PTPRM: variants seen among roughly 807,000 people sequenced by gnomAD.
PTPRM encodes receptor-type tyrosine-protein phosphatase mu.
A neutral mutation model predicts 186.7 loss-of-function variants in PTPRM; 47 were observed. The observed-to-expected ratio is 0.25, with a 90% CI of 0.20 to 0.32. The LOEUF (loss-of-function observed/expected upper bound fraction) is 0.32, where lower values mean the gene tolerates loss of function less well. Ranked by LOEUF, PTPRM falls within the 10% of genes least tolerant of loss-of-function variation. The pLI is 1.00. For synonymous variants in PTPRM, 668 were observed against 674.9 expected, an observed-to-expected ratio of 0.99 and a Z score of 0.16; for missense variants, 1,494 against 1,865.0, an observed-to-expected ratio of 0.80 and a Z score of 3.66.
chr18:7,634,397 T>C (rs2038264719), intron 1 of PTPRM, among the ~76,000 whole-genome samples: 1 of 152,194 alleles, frequency 6.6e-6, no homozygotes, highest in African/African-American at 2.4e-5. Flanking sequence ...CTTTGGGCCA[T>C]TACTGTTTGT....
intron 7 of PTPRM, among the ~76,000 whole-genome samples, chr18:7,962,470 G>A (rs997536448): frequency 2.0e-5 from 3 of 151,962 alleles, no homozygotes; most frequent in Non-Finnish European, 2.9e-5. Context: ...TGTCATACCC[G>A]GTCCAGTCTA....
At chr18:7,950,131 C>T (rs577996907) in intron 6 of PTPRM, among the ~76,000 whole-genome samples, 6 of 152,294 alleles carry the variant, frequency 3.9e-5, no homozygotes, top group South Asian at 2.1e-4. Flanking sequence ...AAATATGGCA[C>T]ATAAAATTGA....
chr18:7,958,207 C>CAAAAAAAAAAAAAAAAAA (rs534178363), intron 7 of PTPRM, among the ~76,000 whole-genome samples: 4 of 115,278 alleles, frequency 3.5e-5, no homozygotes, highest in African/African-American at 1.3e-4. Context: ...CCATCCCCTG[C>CAAAAAAAAAAAAAAAAAA]AAAAAAAAAA....
At chr18:7,798,034 G>T (rs554033173) in intron 2 of PTPRM, among the ~76,000 whole-genome samples, 1 of 152,268 alleles carries the variant, frequency 6.6e-6, no homozygotes, top group South Asian at 2.1e-4. Context: ...TAATTAATTA[G>T]GTCTTGTGGT....
chr18:7,639,332 A>G (rs2038390933), intron 1 of PTPRM, among the ~76,000 whole-genome samples: 1 of 150,892 alleles, frequency 6.6e-6, no homozygotes. Context: ...GGCCTCCCAA[A>G]GTGCTGGGAT....
At chr18:8,049,836 C>A (rs1451416392) in intron 7 of PTPRM, among the ~76,000 whole-genome samples, 1 of 151,808 alleles carries the variant, frequency 6.6e-6, no homozygotes, top group Non-Finnish European at 1.5e-5. Flanking sequence ...CTCAGCCTCC[C>A]GAGTAGCTGA....
intron 13 of PTPRM, among the ~76,000 whole-genome samples, chr18:8,134,897 A>G (rs2092602682): frequency 6.6e-6 from 1 of 152,182 alleles, no homozygotes; most frequent in Admixed American, 6.5e-5. Context: ...ACAGTCAGAC[A>G]CCCTGGGTTC....
chr18:7,872,354 T>G (rs1228858930), intron 2 of PTPRM, among the ~76,000 whole-genome samples: 4 of 152,206 alleles, frequency 2.6e-5, no homozygotes, highest in Non-Finnish European at 5.9e-5. Context: ...TTACCATTGG[T>G]CTACTATTCC....
At chr18:7,884,817 A>T (rs1359914487) in intron 2 of PTPRM, among the ~76,000 whole-genome samples, 2 of 147,634 alleles carry the variant, frequency 1.4e-5, no homozygotes, top group Non-Finnish European at 3.0e-5. Context: ...CCAGCTACTC[A>T]GGAGGCTGAG....
chr18:7,893,680 A>C lies in PTPRM; in HGVS notation c.468+5303A>C, dbSNP rs535178102. On this transcript the variant is annotated intron_variant, in intron 3 of 32. Transcript: ENST00000580170. ...TCGGCCTTGGAACTTTTAAAGACAGAGTTAAGGTAGCACTTCCTTATTATT... is the reference window on the plus strand; with the variant it reads ...TCGGCCTTGGAACTTTTAAAGACAGCGTTAAGGTAGCACTTCCTTATTATT... Among the ~76,000 whole-genome samples, 11 of 152,334 alleles carry C rather than the reference A, an allele frequency of 7.2e-5. No homozygotes were observed. In the South Asian group the frequency reaches 2.1e-3, roughly 29 times the overall value.
At chr18:8,014,439 A>G (rs1313580367) in intron 7 of PTPRM, among the ~76,000 whole-genome samples, 1 of 152,060 alleles carries the variant, frequency 6.6e-6, no homozygotes, top group African/African-American at 2.4e-5. Context: ...TTCTGTCTCC[A>G]TTTTTTCCCT....
At chr18:7,833,424 T>C (rs2045860494) in intron 2 of PTPRM, among the ~76,000 whole-genome samples, 1 of 152,172 alleles carries the variant, frequency 6.6e-6, no homozygotes, top group African/African-American at 2.4e-5. Flanking sequence ...TATTCACTCT[T>C]GGTGTATAGG....
intron 23 of PTPRM, among the ~76,000 whole-genome samples, chr18:8,367,393 C>T (rs1458233245): frequency 1.3e-5 from 2 of 152,262 alleles, no homozygotes; most frequent in African/African-American, 4.8e-5. Context: ...TCCTCCCTCG[C>T]AATTACCGCC....
intron 1 of PTPRM, among the ~76,000 whole-genome samples, chr18:7,685,372 G>A (rs1194474565): frequency 1.3e-5 from 2 of 152,160 alleles, no homozygotes; most frequent in African/African-American, 4.8e-5. Flanking sequence ...GTATCTTGAT[G>A]CCCCGAAGGG....
At chr18:8,195,791 T>C (rs2093770233) in intron 14 of PTPRM, among the ~76,000 whole-genome samples, 1 of 152,164 alleles carries the variant, frequency 6.6e-6, no homozygotes, top group Admixed American at 6.5e-5. Context: ...GGGTACAGTG[T>C]ACACTGTTCA....
At chr18:8,012,819 A>T (rs945990267) in intron 7 of PTPRM, among the ~76,000 whole-genome samples, 1 of 152,188 alleles carries the variant, frequency 6.6e-6, no homozygotes, top group Non-Finnish European at 1.5e-5. Context: ...AGCAAAAGGG[A>T]TCATAATTCA....
intron 11 of PTPRM, among the ~76,000 whole-genome samples, chr18:8,090,178 A>T (rs2090636862): frequency 6.6e-6 from 1 of 152,162 alleles, no homozygotes; most frequent in Non-Finnish European, 1.5e-5. Context: ...CACGCATTAG[A>T]TGCTATCCAA....
At chr18:8,350,977 G>A (rs1246217644) in intron 23 of PTPRM, among the ~76,000 whole-genome samples, 1 of 152,150 alleles carries the variant, frequency 6.6e-6, no homozygotes, top group African/African-American at 2.4e-5. Flanking sequence ...TATTTTCAGT[G>A]TGGTTATTGT....
At chr18:7,769,108 T>C (rs1311872745) in intron 1 of PTPRM, among the ~76,000 whole-genome samples, 1 of 152,118 alleles carries the variant, frequency 6.6e-6, no homozygotes, top group African/African-American at 2.4e-5. Flanking sequence ...TGTTGAGAAC[T>C]CTGTTCATTA....
Sources: allele counts gnomAD v4.1 joint callset (sites outside exome capture counted in the v4.1 genomes callset), GRCh38; gene constraint gnomAD v4.1.1; transcripts MANE v1.5; gene names NCBI Gene and HGNC (gene_info 2026-07-23, HGNC 2026-07-21).